The following ANO4 variants were observed in gnomAD, a reference collection of about 807,000 sequenced individuals.
ANO4 encodes the protein anoctamin-4.
A neutral mutation model predicts 141.9 loss-of-function variants in ANO4; 69 were observed. The ratio of observed to expected loss-of-function variants is 0.49; its 90% CI spans 0.40 to 0.59. The LOEUF is 0.59. Ranked by LOEUF, ANO4 falls within the 20% of genes least tolerant of loss-of-function variation. The pLI is 0.00. For synonymous variants in ANO4, 350 were observed against 394.3 expected, an observed-to-expected ratio of 0.89 and a Z score of 1.33; for missense variants, 894 against 1,162.2, an observed-to-expected ratio of 0.77 and a Z score of 3.36.
At position 101,037,080 on chromosome 12, in the gene ANO4, T is replaced by G; in HGVS notation, c.842-15T>G. ...AACTCTGTATTAATTCAAATGGACT[T>G]ATTTGCTGTTTTAGGTCTGAATCGT... On this transcript the variant is annotated splice_polypyrimidine_tract_variant and intron_variant, in intron 9 of 27. Coordinates refer to ENST00000392977, the MANE Select transcript of ANO4 (RefSeq NM_001286615.2). 1 of 1,613,238 alleles carries G rather than the reference T, an allele frequency of 6.2e-7. No individual in the cohort carries two copies. The highest frequency in any genetic ancestry group is 8.5e-7 in the Non-Finnish European group (1 of 1,179,308).
chr12:101,091,208 AC>A (rs1406551173), intron 17 of ANO4, among the ~76,000 whole-genome samples: 3 of 152,224 alleles, frequency 2.0e-5, no homozygotes, highest in African/African-American at 7.2e-5. Context: ...AAGGTTGCTA[AC>A]GCAAGAATAC....
chr12:100,930,483 A>G (rs1324408622), intron 3 of ANO4, among the ~76,000 whole-genome samples: 1 of 152,098 alleles, frequency 6.6e-6, no homozygotes, highest in Admixed American at 6.6e-5. Flanking sequence ...TCAAAAATGA[A>G]TTTACTATAG....
intron 2 of ANO4, among the ~76,000 whole-genome samples, chr12:100,739,251 A>G (rs1412805106): frequency 1.3e-5 from 2 of 151,946 alleles, no homozygotes; most frequent in African/African-American, 2.4e-5. Context: ...AGGTTTGTCC[A>G]AATTCATGTT....
chr12:101,043,559 C>T lies in ANO4; in HGVS notation c.1175C>T (p.Thr392Ile), dbSNP rs1395341730. The T allele has an allele frequency of 6.2e-7, 1 of 1,613,598 alleles. No homozygotes were observed. Among genetic ancestry groups the T allele is most frequent in the Non-Finnish European group, 8.5e-7 (1 of 1,179,664 alleles). Reference sequence around the variant, plus strand: ...TCCAGTAAAGAAGTCTGCCAAGCTACAGATATCATCATGTGTCCTGTGTGT... The same window carrying T: ...TCCAGTAAAGAAGTCTGCCAAGCTATAGATATCATCATGTGTCCTGTGTGT... ...SQVSKEVCQA[T>I]DIIMCPVCDK... is the part of the protein sequence containing the mutation. Residue 392 changes from threonine to isoleucine, a missense_variant, in exon 13 of 28, where the codon ACA becomes ATA. Transcript: ENST00000392977.
At chr12:100,854,846 A>G (rs538354654) in intron 1 of ANO4, among the ~76,000 whole-genome samples, 11 of 152,076 alleles carry the variant, frequency 7.2e-5, no homozygotes, top group African/African-American at 2.2e-4. Context: ...CCTCTTCTGC[A>G]GAAGTTTTGA....
At chr12:100,728,992 T>C (rs1474992782) in intron 1 of ANO4, among the ~76,000 whole-genome samples, 1 of 152,076 alleles carries the variant, frequency 6.6e-6, no homozygotes, top group Non-Finnish European at 1.5e-5. Context: ...ACTCACTTCT[T>C]CCCCGTCAGT....
chr12:101,014,940 C>T (rs1361181747), intron 8 of ANO4, among the ~76,000 whole-genome samples: 1 of 152,076 alleles, frequency 6.6e-6, no homozygotes, highest in Non-Finnish European at 1.5e-5. Context: ...AGGGATTGCC[C>T]TGCCTCAGCC....
chr12:100,800,458 G>C (rs1356155089), intron 1 of ANO4, among the ~76,000 whole-genome samples: 2 of 152,236 alleles, frequency 1.3e-5, no homozygotes, highest in East Asian at 3.8e-4. Context: ...TTGAAAAATA[G>C]TTTGCTTGGG....
At chr12:101,122,750 A>G (rs901966358) in intron 26 of ANO4, among the ~76,000 whole-genome samples, 2 of 152,218 alleles carry the variant, frequency 1.3e-5, no homozygotes, top group Non-Finnish European at 2.9e-5. Flanking sequence ...TGATTCATAT[A>G]GTTAATTTAT....
intron 3 of ANO4, among the ~76,000 whole-genome samples, chr12:100,769,744 C>G (rs2033220188): frequency 6.6e-6 from 1 of 152,156 alleles, no homozygotes; most frequent in African/African-American, 2.4e-5. Flanking sequence ...TCTCCCACCC[C>G]ATAGCTGTGT....
At chr12:101,079,109 A>C (rs761341068) in intron 14 of ANO4, 84 bp from the exon 15 acceptor site, 17 of 1,179,948 alleles carry the variant, frequency 1.4e-5, no homozygotes, top group Non-Finnish European at 2.1e-5. Flanking sequence ...ATTCTTGGCA[A>C]TGGCTTCATT....
intron 3 of ANO4, among the ~76,000 whole-genome samples, chr12:100,753,392 C>T (rs1320606830): frequency 6.6e-6 from 1 of 152,160 alleles, no homozygotes; most frequent in Non-Finnish European, 1.5e-5. Context: ...TTCAAGTGGG[C>T]TCAGATCTGA....
intron 17 of ANO4, among the ~76,000 whole-genome samples, chr12:101,091,128 A>C (rs867550328): frequency 6.6e-6 from 1 of 152,160 alleles, no homozygotes; most frequent in African/African-American, 2.4e-5. Flanking sequence ...GTGGTTTTTC[A>C]TTTATTTTAG....
chr12:101,039,950 C>G lies in ANO4; in HGVS notation c.898-5C>G. ...ACCTCACTGGCAGTGGTGTTTTTAT[C>G]CCAGGGAAGTTATAGAAGTAAAAAC... On this transcript the variant is annotated splice_region_variant and splice_polypyrimidine_tract_variant and intron_variant, in intron 10 of 27. Coordinates refer to ENST00000392977, the MANE Select transcript of ANO4 (RefSeq NM_001286615.2). The G allele has an allele frequency of 6.2e-7, 1 of 1,607,798 alleles. No homozygotes were observed. Among genetic ancestry groups the G allele is most frequent in the Non-Finnish European group, 8.5e-7 (1 of 1,176,118 alleles).
At chr12:100,929,280 C>G (rs2041996357) in intron 3 of ANO4, among the ~76,000 whole-genome samples, 1 of 152,012 alleles carries the variant, frequency 6.6e-6, no homozygotes, top group Non-Finnish European at 1.5e-5. Context: ...ACTACTCTTC[C>G]CAGCATATGG....
At position 101,104,843 on chromosome 12, in the gene ANO4, T is replaced by C. The variant is rs180764936; in HGVS notation, c.2149+5123T>C. ...AGTCCTTGTTAAATATTGTGCCTCT[T>C]ATCTACTAGTTACATACTTGAAATC... On this transcript the variant is annotated intron_variant, in intron 22 of 27. Transcript: ENST00000392977. Among the ~76,000 whole-genome samples the C allele has an allele frequency of 2.6e-3, 395 of 151,818 alleles. 2 individuals carry two copies. Among genetic ancestry groups the C allele is most frequent in the Non-Finnish European group, 2.8e-3 (193 of 67,910 alleles).
chr12:100,878,070 A>T (rs1031902702), intron 1 of ANO4, among the ~76,000 whole-genome samples: 5 of 152,128 alleles, frequency 3.3e-5, no homozygotes, highest in Non-Finnish European at 5.9e-5. Context: ...TATCTCAGCT[A>T]GTTACCAAAT....
At chr12:100,844,206 G>A (rs969011611) in intron 1 of ANO4, among the ~76,000 whole-genome samples, 1 of 152,078 alleles carries the variant, frequency 6.6e-6, no homozygotes, top group African/African-American at 2.4e-5. Context: ...AAGAGAACAG[G>A]CCAATGGAAT....
At chr12:101,110,617 A>G in intron 23 of ANO4, 61 bp downstream of exon 23, 1 of 1,359,266 alleles carries the variant, frequency 7.4e-7, no homozygotes, top group Non-Finnish European at 9.7e-7. Context: ...ATAAAATTTT[A>G]AAAGCCACAA....
Sources: allele counts gnomAD v4.1 joint callset (sites outside exome capture counted in the v4.1 genomes callset), GRCh38; gene constraint gnomAD v4.1.1; transcripts MANE v1.5; gene names NCBI Gene and HGNC (gene_info 2026-07-23, HGNC 2026-07-21).